The following WDR46 variants were observed in gnomAD, a reference collection of about 807,000 sequenced individuals.
WDR46 encodes the protein WD repeat domain 46.
Under a neutral mutation model 74.7 loss-of-function variants are expected in WDR46, and 58 were observed. The observed-to-expected ratio is 0.78, with a 90% confidence interval of 0.63 to 0.97. The LOEUF is 0.97. Ranked by LOEUF, WDR46 falls within the 50% of genes least tolerant of loss-of-function variation. The probability of loss-of-function intolerance (pLI) is 0.00; values close to 1 mark genes in which losing one functional copy is unlikely to be tolerated. For missense variants in WDR46, 702 were observed against 790.1 expected (o/e 0.89, Z 1.34); for synonymous variants, 278 against 297.3 (o/e 0.93, Z 0.67).
chr6:33,284,559 G>C (rs467508), intron 10 of WDR46: 1 of 153,632 alleles, frequency 6.5e-6, no homozygotes, highest in African/African-American at 2.4e-5. Context: ...TGAACACAGC[G>C]CTCCCTATTT....
chr6:33,281,105 G>A (rs370442121), intron 10 of WDR46, 118 bp from the exon 11 acceptor site: 2 of 1,018,220 alleles, frequency 2.0e-6, no homozygotes, highest in East Asian at 2.6e-5. Flanking sequence ...AATAACCACT[G>A]CCATCACCCT....
intron 7 of WDR46, 44 bp downstream of exon 7, chr6:33,287,570 G>A (rs1295433561): frequency 5.6e-6 from 9 of 1,613,414 alleles, no homozygotes; most frequent in African/African-American, 2.7e-5. Flanking sequence ...AATCAGGAAT[G>A]GACTATCTCA....
Position 33,280,523 on chromosome 6 carries a change from C to G in WDR46, c.1430-1G>C, listed in dbSNP as rs368350935. ...CCATCGAAGTTGGGCTCACCGGCCC[C>G]TGAAGGGAGGGAGGGAGAAGCATGG... On this transcript the variant is annotated splice_acceptor_variant, in intron 11 of 14. Transcript: ENST00000374617. LOFTEE classifies it high-confidence loss of function. 1.0e-4 allele frequency: 166 copies of G among 1,601,400 alleles called. No homozygotes were observed. Among genetic ancestry groups the G allele is most frequent in the Non-Finnish European group, 1.4e-4 (165 of 1,173,352 alleles).
chr6:33,280,229 C>T (rs1269174559), intron 12 of WDR46, among the ~76,000 whole-genome samples, 199 bp downstream of exon 12: 1 of 151,234 alleles, frequency 6.6e-6, no homozygotes, highest in Non-Finnish European at 1.5e-5. Context: ...GAATCTCACC[C>T]TCTCCAGGAA....
chr6:33,286,549 C>A (rs1766653747), intron 10 of WDR46, among the ~76,000 whole-genome samples: 1 of 152,172 alleles, frequency 6.6e-6, no homozygotes, highest in South Asian at 2.1e-4. Flanking sequence ...TATTTACTAT[C>A]TGACTCTTTA....
intron 12 of WDR46, 37 bp from the exon 13 acceptor site, chr6:33,279,896 G>C (rs1235686278): frequency 1.9e-6 from 3 of 1,605,336 alleles, no homozygotes; most frequent in South Asian, 2.2e-5. Flanking sequence ...TCAGCAAGGA[G>C]CCACAGGAGG....
chr6:33,284,753 C>T (rs572601975), intron 10 of WDR46: 8 of 153,790 alleles, frequency 5.2e-5, no homozygotes, highest in African/African-American at 1.7e-4. Context: ...GAAAAAAAAT[C>T]AAAAGAATAT....
intron 12 of WDR46, among the ~76,000 whole-genome samples, chr6:33,280,094 G>A (rs1765998732): frequency 6.6e-6 from 1 of 151,898 alleles, no homozygotes; most frequent in Non-Finnish European, 1.5e-5. Context: ...TCCAGCAGGG[G>A]GGAACCTGAC....
In WDR46 at chr6:33,287,640, G is replaced by A. The variant is rs563339554; in HGVS notation, c.702C>T (p.Asn234=). 7.4e-5 allele frequency: 120 copies of A among 1,613,874 alleles called. No individual in the cohort carries two copies. Among genetic ancestry groups the A allele is most frequent in the South Asian group, 6.9e-4 (63 of 91,064 alleles). ...GGATGTCCCGCACCGCCTCCATGACGTTGATCTCGCACATAAGCTTCTTTG... is the reference window on the plus strand; with the variant it reads ...GGATGTCCCGCACCGCCTCCATGACATTGATCTCGCACATAAGCTTCTTTG... ...WVTKKLMCEI[N]VMEAVRDIRF... is the part of the protein sequence containing the mutation. The change falls in exon 7 of 15, where the codon AAC becomes AAT. Residue 234 remains asparagine (N), a synonymous_variant. Transcript: ENST00000374617.
At position 33,288,389 on chromosome 6, in the gene WDR46, G is replaced by C; in HGVS notation, c.442C>G (p.Arg148Gly). The part of the protein sequence containing the change: ...EEEETSIKAA[R>G]SELLLAEEPG... ...TCTTCAGCAAGCAGCAGCTCAGAAC[G>C]AGCAGCTTTGATACTTGTTTCCTCT... The change falls in exon 4 of 15, where the codon CGT (arginine) becomes GGT (glycine). Residue 148 changes from arginine to glycine, a missense_variant. Physicochemically the swap from Arg to Gly is moderately radical, Grantham distance 125. Coordinates refer to ENST00000374617, the MANE Select transcript of WDR46 (RefSeq NM_005452.6). 2.5e-6 allele frequency: 4 copies of C among 1,614,176 alleles called. No individual in the cohort carries two copies. The highest frequency in any genetic ancestry group is 1.3e-5 in the African/African-American group (1 of 75,046).
intron 10 of WDR46, among the ~76,000 whole-genome samples, chr6:33,285,033 G>A (rs1473738668): frequency 6.6e-6 from 1 of 152,192 alleles, no homozygotes; most frequent in Middle Eastern, 3.2e-3. Flanking sequence ...TGTTTTCAAA[G>A]ATGAAATACT....
Position 33,280,502 on chromosome 6 carries a change from C to G in WDR46, c.1450G>C (p.Asp484His). ...CTGTATGGATTACTCTCCAGGCCAT[C>G]GAAGTTGGGCTCACCGGCCCCTGAA... ...LVPGAGEPNFDGLESNPYRSR... is the reference protein window; with the variant it reads ...LVPGAGEPNFHGLESNPYRSR... Residue 484 changes from aspartate to histidine, a missense_variant, in exon 12 of 15, where the codon GAT becomes CAT. By Grantham distance (81) the Asp-to-His change is moderately conservative. Transcript: ENST00000374617. 1.2e-6 allele frequency: 2 copies of G among 1,601,602 alleles called. No individual in the cohort carries two copies. The highest frequency in any genetic ancestry group is 1.7e-6 in the Non-Finnish European group (2 of 1,173,344).
Position 33,280,852 on chromosome 6 carries a change from C to T in WDR46, c.1251G>A (p.Ala417=), listed in dbSNP as rs140430589. The T allele has an allele frequency of 4.9e-4, 788 of 1,614,192 alleles. 2 individuals carry two copies. The African/African-American group carries it at 6.9e-3, about 14-fold the overall frequency. ...LAFSQRGLLV[A]GMGDVVNIWA... ...AGATGTTGACAACGTCACCCATTCC[C>T]GCCACCAGCAGTCCCCTCTGGGAGA... Residue 417 remains alanine (A), a synonymous_variant, in exon 11 of 15, where the codon GCG becomes GCA. Transcript: ENST00000374617.
At position 33,280,520 on chromosome 6, in the gene WDR46, C is replaced by T. The variant is rs758269221; in HGVS notation, c.1432G>A (p.Ala478Thr). The change falls in exon 12 of 15, where the codon GCC becomes ACC. Residue 478 changes from alanine to threonine, a missense_variant and splice_region_variant. Transcript: ENST00000374617. ...GGITSMLVPG[A>T]GEPNFDGLES... ...AGGCCATCGAAGTTGGGCTCACCGGCCCCTGAAGGGAGGGAGGGAGAAGCA... is the reference window on the plus strand; with the variant it reads ...AGGCCATCGAAGTTGGGCTCACCGGTCCCTGAAGGGAGGGAGGGAGAAGCA... 6.2e-6 allele frequency: 10 copies of T among 1,601,294 alleles called. No individual in the cohort carries two copies. Among genetic ancestry groups the T allele is most frequent in the African/African-American group, 5.4e-5 (4 of 74,726 alleles).
intron 14 of WDR46, 24 bp downstream of exon 14, chr6:33,279,473 C>T (rs748735713): frequency 1.4e-5 from 22 of 1,611,126 alleles, no homozygotes; most frequent in Middle Eastern, 1.6e-4. Flanking sequence ...GTGGAAGGCC[C>T]GGCCCATGCC....
Position 33,288,030 on chromosome 6 carries a change from G to GGAAAGAGAAGAGT in WDR46, c.562-17_562-5dup, listed in dbSNP as rs1465129348. 2 of 1,614,032 alleles carry GGAAAGAGAAGAGT rather than the reference G, an allele frequency of 1.2e-6. No homozygotes were observed. Among genetic ancestry groups the GGAAAGAGAAGAGT allele is most frequent in the African/African-American group, 2.7e-5 (2 of 74,924 alleles). On this transcript the variant is annotated splice_region_variant and splice_polypyrimidine_tract_variant and intron_variant, in intron 5 of 14. Coordinates refer to ENST00000374617, the MANE Select transcript of WDR46 (RefSeq NM_005452.6). ...GCCGCAGATTCAAGTCAAAGTGCTGGGAAAGAGAAGAGTGAAAAAAAAGAG... is the reference window on the plus strand; with the variant it reads ...GCCGCAGATTCAAGTCAAAGTGCTGGGAAAGAGAAGAGTGAAAGAGAAGAGTGAAAAAAAAGAG...
At chr6:33,282,321 C>T (rs759076579) in intron 10 of WDR46, among the ~76,000 whole-genome samples, 9 of 151,688 alleles carry the variant, frequency 5.9e-5, no homozygotes, top group Non-Finnish European at 1.2e-4. Context: ...AGATAATCAG[C>T]GCCCTGACTT....
chr6:33,289,163 G>A lies in WDR46; in HGVS notation c.8C>T (p.Thr3Ile), dbSNP rs1468446013. The A allele has an allele frequency of 1.2e-6, 2 of 1,611,902 alleles. No individual in the cohort carries two copies. Among genetic ancestry groups the A allele is most frequent in the Admixed American group, 1.7e-5 (1 of 59,656 alleles). ...GACATCCTTGCCCGGCTTGGGGGCT[G>A]TCTCCATCTCGCCCACCCGAACGGC... The part of the protein sequence containing the change: ME[T>I]APKPGKDVPP... Residue 3 changes from threonine (T) to isoleucine (I), a missense_variant, in exon 1 of 15, where the codon ACA (threonine) becomes ATA (isoleucine). Transcript: ENST00000374617.
chr6:33,281,004 G>A lies in WDR46; in HGVS notation c.1116-17C>T. Reference sequence around the variant, plus strand: ...GCCATGTACCTGGTGAGAGAAGAGGGATCAATTAATATGTCAGTAAATGGG... The same window carrying A: ...GCCATGTACCTGGTGAGAGAAGAGGAATCAATTAATATGTCAGTAAATGGG... On this transcript the variant is annotated splice_polypyrimidine_tract_variant and intron_variant, in intron 10 of 14. Transcript: ENST00000374617. The A allele has an allele frequency of 6.3e-7, 1 of 1,576,576 alleles. No individual in the cohort carries two copies. The highest frequency in any genetic ancestry group is 1.2e-5 in the South Asian group (1 of 86,458).
Sources: gnomAD v4.1 joint callset for allele counts (sites outside exome capture counted in the v4.1 genomes callset) on GRCh38, gnomAD v4.1.1 for gene constraint, MANE v1.5 for transcripts, NCBI Gene and HGNC (gene_info 2026-07-23, HGNC 2026-07-21) for gene names.